NID1: variants seen among roughly 807,000 people sequenced by gnomAD.
The protein encoded by NID1 is nidogen-1.
Under a neutral mutation model 130.6 loss-of-function variants are expected in NID1, and 76 were observed. That is an observed-to-expected ratio of 0.58 (90% CI 0.48 to 0.70). NID1 has a LOEUF of 0.70. Among genes scored for constraint, NID1 ranks in the 30% least tolerant of loss-of-function variants. NID1 has a pLI of 0.00. For missense variants in NID1, 1,517 were observed against 1,664.8 expected (o/e 0.91, Z 1.54); for synonymous variants, 665 against 675.1 (o/e 0.98, Z 0.23).
chr1:236,024,695 C>T (rs796289752), intron 8 of NID1, among the ~76,000 whole-genome samples: 12 of 152,046 alleles, frequency 7.9e-5, no homozygotes, highest in Non-Finnish European at 1.2e-4. Flanking sequence ...CAAAGACAAC[C>T]GAAAAAAGGG....
Position 236,016,096 on chromosome 1 carries a change from C to A in NID1, c.2254+1052G>T, listed in dbSNP as rs117202534. On this transcript the variant is annotated intron_variant, in intron 10 of 19. Transcript: ENST00000264187. ...AAATTAAACGTTTGAATCTGCTTAG[C>A]CTCAAAAAGCAGAGAAAGAAATCAG... Among the ~76,000 whole-genome samples the A allele has an allele frequency of 2.4e-3, 372 of 152,046 alleles. 1 individual carries two copies. Among genetic ancestry groups the A allele is most frequent in the Middle Eastern group, 6.8e-3 (2 of 294 alleles).
At chr1:236,000,121 C>T (rs1266101551) in intron 12 of NID1, among the ~76,000 whole-genome samples, 4 of 151,972 alleles carry the variant, frequency 2.6e-5, no homozygotes, top group African/African-American at 7.2e-5. Context: ...GGCTGAGGCA[C>T]GAGAATCTCT....
intron 9 of NID1, among the ~76,000 whole-genome samples, chr1:236,018,114 AAG>A: frequency 6.6e-6 from 1 of 152,328 alleles, no homozygotes; most frequent in East Asian, 1.9e-4. Context: ...TAAATGAACA[AAG>A]AGAGTGATGT....
intron 9 of NID1, among the ~76,000 whole-genome samples, chr1:236,020,036 T>TAAAAAAA (rs57925295): frequency 2.3e-5 from 2 of 88,356 alleles, no homozygotes; most frequent in African/African-American, 4.4e-5. Context: ...GACTCTGCCT[T>TAAAAAAA]AAAAAAAAAA....
chr1:236,062,792 T>C (rs946958063), intron 1 of NID1, among the ~76,000 whole-genome samples: 1 of 152,178 alleles, frequency 6.6e-6, no homozygotes. Flanking sequence ...GCTCATGATC[T>C]TCAAAGTTCA....
chr1:236,008,292 C>G (rs1268914800), intron 12 of NID1, among the ~76,000 whole-genome samples: 1 of 152,206 alleles, frequency 6.6e-6, no homozygotes, highest in Non-Finnish European at 1.5e-5. Flanking sequence ...CGTAGTTTGT[C>G]TGTCATCAGT....
intron 10 of NID1, among the ~76,000 whole-genome samples, chr1:236,014,366 G>A (rs964582454): frequency 6.6e-6 from 1 of 152,176 alleles, no homozygotes; most frequent in African/African-American, 2.4e-5. Context: ...GGAATGATTT[G>A]TGTTCTGACA....
At position 235,985,285 on chromosome 1, in the gene NID1, G is replaced by C. The variant is rs931335790; in HGVS notation, c.3055+94C>G. On this transcript the variant is annotated intron_variant, in intron 15 of 19. Transcript: ENST00000264187. The stretch of plus-strand genomic sequence containing the variant: ...AAAAGACTGAGAAATGTTTGTGAAA[G>C]TTTGGCTTCATTTGCTGTTCTTCTC... 7 of 1,303,288 alleles carry C rather than the reference G, an allele frequency of 5.4e-6. 1 individual carries two copies. In the South Asian group the frequency reaches 8.6e-5, roughly 16 times the overall value. The allele number at this position is 1,303,288 out of a possible 1,614,324, so 80.7% of individuals were successfully genotyped here. A position where few individuals can be genotyped will look rare whatever the true frequency, so the allele number is the denominator to read the frequency against.
At chr1:235,987,453 T>C (rs1213260369) in intron 14 of NID1, among the ~76,000 whole-genome samples, 1 of 152,244 alleles carries the variant, frequency 6.6e-6, no homozygotes, top group Non-Finnish European at 1.5e-5. Flanking sequence ...CCTCTCTGTA[T>C]ACCTTTCCAA....
rs1659461528 is a variant in NID1 at position 236,041,858 on chromosome 1, T to G, written c.1135+52A>C. On this transcript the variant is annotated intron_variant, in intron 4 of 19. Transcript: ENST00000264187. ...ACATCTCCCCAGCAGTACGCCTGTC[T>G]GGAAGCCCACACATCCAAGATCGTT... The G allele has an allele frequency of 7.1e-6, 11 of 1,557,250 alleles. No individual in the cohort carries two copies. The East Asian group carries it at 2.3e-4, about 32-fold the overall frequency.
In NID1 at chr1:235,980,490, C is replaced by T. The variant is rs373556924; in HGVS notation, c.3385+6G>A. On this transcript the variant is annotated splice_donor_region_variant and intron_variant, in intron 17 of 19. Transcript: ENST00000264187. ...CCGCCCTGGACAGTGTCCAGCTTTC[C>T]ATCACCTGCATCCACCCAGCAGAGC... The T allele has an allele frequency of 4.6e-5, 74 of 1,613,872 alleles. No individual in the cohort carries two copies. The highest frequency in any genetic ancestry group is 1.1e-5 in the South Asian group (1 of 91,078).
chr1:235,983,629 T>C (rs10927169), intron 15 of NID1, among the ~76,000 whole-genome samples: 37,885 of 151,868 alleles, frequency 0.25, 5,659 homozygotes, highest in East Asian at 0.62. Flanking sequence ...CCGTGCATAT[T>C]GTCTCCTTAG....
rs761634980 is a variant in NID1, at chr1:235,979,981, A to T, written c.3386-36T>A. 1.9e-6 allele frequency: 3 copies of T among 1,608,522 alleles called. No individual in the cohort carries two copies. Among genetic ancestry groups the T allele is most frequent in the African/African-American group, 2.7e-5 (2 of 73,588 alleles). On this transcript the variant is annotated intron_variant, in intron 17 of 19. Coordinates refer to ENST00000264187, the MANE Select transcript of NID1 (RefSeq NM_002508.3). This position sits in a 1 kb window ranked among gnomAD's most constrained non-coding sequence, Gnocchi z 4.6. The stretch of plus-strand genomic sequence containing the variant: ...TGGAAACAATTCATTCATTGTTCAC[A>T]CAAGAAATGGCCCCTTTGTGCAAAA...
intron 1 of NID1, among the ~76,000 whole-genome samples, chr1:236,060,138 C>T (rs1321743161): frequency 6.7e-6 from 1 of 150,306 alleles, no homozygotes; most frequent in African/African-American, 2.5e-5. Context: ...ACTCCATAGA[C>T]AGAGCAGCCC....
intron 11 of NID1, among the ~76,000 whole-genome samples, chr1:236,012,974 A>G (rs1274967630): frequency 6.6e-6 from 1 of 152,246 alleles, no homozygotes. Context: ...CTCCGCAGTC[A>G]TTTATTCAAT....
At chr1:236,054,666 G>A (rs1055966912) in intron 1 of NID1, among the ~76,000 whole-genome samples, 13 of 151,270 alleles carry the variant, frequency 8.6e-5, no homozygotes, top group Non-Finnish European at 1.3e-4. Context: ...TTTTGAGACA[G>A]AGTCTCGCTC....
At position 236,038,379 on chromosome 1, in the gene NID1, G is replaced by T. The variant is rs543789783; in HGVS notation, c.1136-126C>A. The stretch of plus-strand genomic sequence containing the variant: ...CCTGCATGGGCAATTCAAGGGACCA[G>T]GCTCACTACAGAAGATTACAATCCC... On this transcript the variant is annotated intron_variant, in intron 4 of 19. Coordinates refer to ENST00000264187, the MANE Select transcript of NID1 (RefSeq NM_002508.3). 1.5e-5 allele frequency: 14 copies of T among 952,940 alleles called. No homozygotes were observed. The African/African-American group carries it at 1.8e-4, about 12-fold the overall frequency. The allele number at this position is 952,940 out of a possible 1,614,324, so 59.0% of individuals were successfully genotyped here.
intron 2 of NID1, 68 bp from the exon 3 acceptor site, chr1:236,045,751 C>A: frequency 8.0e-7 from 1 of 1,246,948 alleles, no homozygotes; most frequent in Non-Finnish European, 1.1e-6. Flanking sequence ...TGTTATTCGC[C>A]AGACTATCTA....
At chr1:235,981,558 A>G in intron 16 of NID1, 53 bp downstream of exon 16, 1 of 1,554,282 alleles carries the variant, frequency 6.4e-7, no homozygotes, top group Non-Finnish European at 8.8e-7. Context: ...GAGAATCTCT[A>G]AAAGGGCAGA....
Sources: allele counts gnomAD v4.1 joint callset (sites outside exome capture counted in the v4.1 genomes callset), GRCh38; gene constraint gnomAD v4.1.1; non-coding constraint Gnocchi (gnomAD v3.1); transcripts MANE v1.5; gene names NCBI Gene and HGNC (gene_info 2026-07-23, HGNC 2026-07-21).